SEMA3E: variants seen among roughly 807,000 people sequenced by gnomAD.
SEMA3E encodes semaphorin 3E, also known as semaphorin-3E.
SEMA3E carries 49 observed loss-of-function variants against 93.6 expected under a neutral mutation model. That is an observed-to-expected ratio of 0.52 (90% confidence interval 0.42 to 0.66). The LOEUF (loss-of-function observed/expected upper bound fraction) is 0.66. SEMA3E is among the 30% of genes least tolerant of loss of function. SEMA3E has a pLI of 0.00. For synonymous variants in SEMA3E, 363 were observed against 330.7 expected (o/e 1.10, Z -1.06); for missense variants, 906 against 964.8 (o/e 0.94, Z 0.81).
In SEMA3E at chr7:83,584,290, C is replaced by T. The variant is rs761315115; in HGVS notation, c.115+64138G>A. On this transcript the variant is annotated intron_variant, in intron 1 of 16. Transcript: ENST00000643230. ...GGAAGGAAGTTACTTGCCCAAGTTA[C>T]GCAGCTAATGAATGCCAAAGACCAG... Among the ~76,000 whole-genome samples, 12 of 152,046 alleles carry T rather than the reference C, an allele frequency of 7.9e-5. 1 individual carries two copies. Among genetic ancestry groups the T allele is most frequent in the Admixed American group, 3.3e-4 (5 of 15,256 alleles).
At chr7:83,580,066 C>T (rs188564) in intron 1 of SEMA3E, among the ~76,000 whole-genome samples, 3,487 of 151,852 alleles carry the variant, frequency 0.023, 132 homozygotes, top group African/African-American at 0.079. Context: ...ATTAGAAAAG[C>T]GAACAAAACA....
chr7:83,441,825 G>A (rs188046521), intron 4 of SEMA3E, among the ~76,000 whole-genome samples: 313 of 152,274 alleles, frequency 2.1e-3, no homozygotes, highest in Middle Eastern at 3.4e-3. Flanking sequence ...TTTGGATTGC[G>A]TCCTTCCAGA....
intron 1 of SEMA3E, among the ~76,000 whole-genome samples, chr7:83,621,560 C>T (rs377181393): frequency 4.6e-5 from 7 of 152,098 alleles, no homozygotes; most frequent in African/African-American, 1.7e-4. Flanking sequence ...GTGAAAAGAA[C>T]AAAGCTGGAG....
Position 83,543,756 on chromosome 7 carries a change from G to C in SEMA3E, c.116-53482C>G, listed in dbSNP as rs538902189. Among the ~76,000 whole-genome samples the C allele has an allele frequency of 1.6e-3, 245 of 152,050 alleles. 1 individual carries two copies. Among genetic ancestry groups the C allele is most frequent in the African/African-American group, 5.7e-3 (237 of 41,514 alleles). On this transcript the variant is annotated intron_variant, in intron 1 of 16. Transcript: ENST00000643230. The stretch of plus-strand genomic sequence containing the variant: ...TGAATAACTCTATATTGCTCGTTCT[G>C]CATGCCTATAAAATAATACAATGAA...
At chr7:83,630,661 A>G (rs1468513503) in intron 1 of SEMA3E, among the ~76,000 whole-genome samples, 4 of 152,206 alleles carry the variant, frequency 2.6e-5, no homozygotes, top group Admixed American at 6.5e-5. Flanking sequence ...GGATAGGTGC[A>G]TATGATCATT....
chr7:83,374,580 T>C (rs1457757392), intron 16 of SEMA3E, among the ~76,000 whole-genome samples: 1 of 152,158 alleles, frequency 6.6e-6, no homozygotes, highest in Non-Finnish European at 1.5e-5. Flanking sequence ...CATGCTATGG[T>C]ATGTTAAGTA....
intron 4 of SEMA3E, among the ~76,000 whole-genome samples, chr7:83,419,768 A>T (rs1005823246): frequency 8.7e-5 from 9 of 103,948 alleles, no homozygotes; most frequent in Non-Finnish European, 2.3e-5. Context: ...CCACTCTTTA[A>T]TGGGGTTATC....
At chr7:83,634,052 G>A (rs3801579) in intron 1 of SEMA3E, among the ~76,000 whole-genome samples, 2 of 152,234 alleles carry the variant, frequency 1.3e-5, no homozygotes, top group Admixed American at 1.3e-4. Flanking sequence ...TACCAACTCT[G>A]CTAACTATCC....
chr7:83,547,723 A>T (rs1436231730), intron 1 of SEMA3E, among the ~76,000 whole-genome samples: 1 of 152,118 alleles, frequency 6.6e-6, no homozygotes, highest in Non-Finnish European at 1.5e-5. Context: ...GATGTTGGTT[A>T]GCAGGTTTGT....
At chr7:83,442,604 T>C (rs1472285409) in intron 4 of SEMA3E, among the ~76,000 whole-genome samples, 1 of 152,196 alleles carries the variant, frequency 6.6e-6, no homozygotes, top group Non-Finnish European at 1.5e-5. Context: ...TCTCTTTTCT[T>C]TTTTCTACGT....
chr7:83,583,104 G>A (rs1165003655), intron 1 of SEMA3E, among the ~76,000 whole-genome samples: 1 of 152,042 alleles, frequency 6.6e-6, no homozygotes, highest in East Asian at 1.9e-4. Flanking sequence ...CCATTTATTA[G>A]TGAATTGTTT....
intron 1 of SEMA3E, among the ~76,000 whole-genome samples, chr7:83,509,737 T>A (rs1304276992): frequency 6.6e-6 from 1 of 152,218 alleles, no homozygotes. Context: ...GAGTATGGCC[T>A]ATTTGATCTG....
At chr7:83,510,251 G>T (rs757190568) in intron 1 of SEMA3E, among the ~76,000 whole-genome samples, 2 of 152,034 alleles carry the variant, frequency 1.3e-5, no homozygotes, top group African/African-American at 4.8e-5. Context: ...AATACTCATA[G>T]ACCCTTTTTA....
intron 2 of SEMA3E, among the ~76,000 whole-genome samples, chr7:83,475,815 A>G (rs1250350349): frequency 7.9e-5 from 12 of 152,212 alleles, no homozygotes; most frequent in Middle Eastern, 3.2e-3. Flanking sequence ...GGTGAAGACA[A>G]TAATGGCTTT....
At chr7:83,473,847 A>C (rs1789953103) in intron 2 of SEMA3E, among the ~76,000 whole-genome samples, 1 of 152,082 alleles carries the variant, frequency 6.6e-6, no homozygotes, top group Non-Finnish European at 1.5e-5. Flanking sequence ...TAATCCCAGC[A>C]CTTTGGGAGG....
rs1447682980 is a variant in SEMA3E at position 83,410,217 on chromosome 7, TGAGA to T, written c.551-1734_551-1731del. On this transcript the variant is annotated intron_variant, in intron 5 of 16. Transcript: ENST00000643230. ...TCATTTTAAAATTATATATTCTAAA[TGAGA>T]GAGGAAAAAGTAAATGTGTCAGAGT... is the stretch of plus-strand genomic sequence containing the variant. Among the ~76,000 whole-genome samples, 52 of 152,064 alleles carry T rather than the reference TGAGA, an allele frequency of 3.4e-4. 1 individual carries two copies. Among genetic ancestry groups the T allele is most frequent in the Admixed American group, 1.8e-3 (27 of 15,266 alleles).
At chr7:83,433,005 G>A (rs1788923243) in intron 4 of SEMA3E, among the ~76,000 whole-genome samples, 1 of 152,142 alleles carries the variant, frequency 6.6e-6, no homozygotes, top group African/African-American at 2.4e-5. Flanking sequence ...CTTTTGCTAT[G>A]CATTTGATAT....
intron 4 of SEMA3E, among the ~76,000 whole-genome samples, chr7:83,450,933 G>T (rs73393336): frequency 0.028 from 4,298 of 152,216 alleles, 229 homozygotes; most frequent in African/African-American, 0.097. Context: ...AGCTTTGGTT[G>T]TGTTCCCCAC....
chr7:83,442,473 A>G (rs1336241600), intron 4 of SEMA3E, among the ~76,000 whole-genome samples: 2 of 152,152 alleles, frequency 1.3e-5, no homozygotes, highest in Non-Finnish European at 2.9e-5. Flanking sequence ...ACTCTCACAT[A>G]TTTAGCCAAT....
Sources: allele counts gnomAD v4.1 joint callset (sites outside exome capture counted in the v4.1 genomes callset), GRCh38; gene constraint gnomAD v4.1.1; transcripts MANE v1.5; gene names NCBI Gene and HGNC (gene_info 2026-07-23, HGNC 2026-07-21).